Variants in ZNF484 observed in about 807,000 individuals in gnomAD.
ZNF484 encodes KRAB box containing C2H2 type zinc finger bA526D8.4.
A neutral mutation model predicts 12.9 loss-of-function variants in ZNF484; 11 were observed. The observed-to-expected ratio is 0.85, with a 90% CI of 0.54 to 1.41. The LOEUF is 1.41. Among genes scored for constraint, ZNF484 ranks in the 40% most tolerant of loss-of-function variants. The probability of loss-of-function intolerance (pLI) is 0.00; values close to 1 mark genes in which losing one functional copy is unlikely to be tolerated. For missense variants in ZNF484, 807 were observed against 1,007.7 expected (o/e 0.80, Z 2.70); for synonymous variants, 289 against 334.1 (o/e 0.86, Z 1.47).
At chr9:92,860,535 C>T (rs1260067981) in intron 2 of ZNF484, among the ~76,000 whole-genome samples, 1 of 142,836 alleles carries the variant, frequency 7.0e-6, no homozygotes, top group Non-Finnish European at 1.5e-5. Flanking sequence ...ACCCGGGAGG[C>T]GGAGCTTGCA....
intron 4 of ZNF484, among the ~76,000 whole-genome samples, chr9:92,854,066 A>G (rs1405540156): frequency 1.3e-5 from 2 of 152,104 alleles, no homozygotes; most frequent in African/African-American, 4.8e-5. Context: ...CAATGGAGGG[A>G]ACTCATGGGC....
At position 92,846,525 on chromosome 9, in the gene ZNF484, G is replaced by A; in HGVS notation, c.2262C>T (p.Gly754=). The A allele has an allele frequency of 6.2e-7, 1 of 1,613,692 alleles. No homozygotes were observed. The highest frequency in any genetic ancestry group is 8.5e-7 in the Non-Finnish European group (1 of 1,179,912). The change falls in exon 5 of 5, where the codon GGC becomes GGT. Residue 754 remains glycine, a synonymous_variant. Coordinates refer to ENST00000375495, the MANE Select transcript of ZNF484 (RefSeq NM_031486.4). ...GTTGTGATTTCTTAATGAAAGACTT[G>A]CCACAGTCACTGCATTCATAGGGTT... The part of the protein sequence containing the change: ...GEKPYECSDC[G]KSFIKKSQLH...
intron 1 of ZNF484, among the ~76,000 whole-genome samples, chr9:92,875,947 C>A (rs998943755): frequency 6.6e-6 from 1 of 152,108 alleles, no homozygotes; most frequent in Non-Finnish European, 1.5e-5. Context: ...TAAATGATGT[C>A]GGAAATAGCA....
At chr9:92,856,041 A>G (rs1856428644) in intron 3 of ZNF484, 138 bp from the exon 4 acceptor site, 1 of 1,388,538 alleles carries the variant, frequency 7.2e-7, no homozygotes, top group Admixed American at 2.0e-5. Context: ...ATGGGACAAA[A>G]TAAGGACAAA....
intron 2 of ZNF484, among the ~76,000 whole-genome samples, chr9:92,863,356 C>T (rs1856889521): frequency 6.6e-6 from 1 of 151,922 alleles, no homozygotes; most frequent in African/African-American, 2.4e-5. Flanking sequence ...GTGCAGCAAA[C>T]CATCATGACA....
intron 2 of ZNF484, among the ~76,000 whole-genome samples, chr9:92,863,552 C>T (rs1005363008): frequency 2.0e-5 from 3 of 151,982 alleles, no homozygotes; most frequent in African/African-American, 7.3e-5. Flanking sequence ...TATTATTTAA[C>T]AGGAATATAG....
intron 2 of ZNF484, among the ~76,000 whole-genome samples, chr9:92,860,434 C>G (rs867454049): frequency 1.3e-5 from 2 of 151,852 alleles, no homozygotes; most frequent in Non-Finnish European, 2.9e-5. Context: ...AACCCCATCT[C>G]TACTAAAAAA....
chr9:92,870,654 G>A (rs1587767181), intron 2 of ZNF484, among the ~76,000 whole-genome samples: 1 of 152,196 alleles, frequency 6.6e-6, no homozygotes, highest in Admixed American at 6.5e-5. Flanking sequence ...TTCCCATCAC[G>A]ACAGGTGTGG....
intron 4 of ZNF484, among the ~76,000 whole-genome samples, chr9:92,853,643 C>A (rs1038947363): frequency 6.6e-6 from 1 of 152,214 alleles, no homozygotes; most frequent in Non-Finnish European, 1.5e-5. Flanking sequence ...AAAGCCCTTA[C>A]ACCTGCCTCT....
intron 2 of ZNF484, 37 bp from the exon 3 acceptor site, chr9:92,856,355 T>G: frequency 6.7e-7 from 1 of 1,482,016 alleles, no homozygotes; most frequent in Non-Finnish European, 9.0e-7. Flanking sequence ...AAATAATTTT[T>G]TAAAGAATAT....
At chr9:92,870,019 ATAAACT>A (rs1335814152) in intron 2 of ZNF484, among the ~76,000 whole-genome samples, 1 of 152,234 alleles carries the variant, frequency 6.6e-6, no homozygotes, top group African/African-American at 2.4e-5. Flanking sequence ...TTCAAACTCA[ATAAACT>A]GGATTCCACT....
At chr9:92,856,653 TAAAGA>T (rs1319526142) in intron 2 of ZNF484, among the ~76,000 whole-genome samples, 1 of 152,194 alleles carries the variant, frequency 6.6e-6, no homozygotes, top group Non-Finnish European at 1.5e-5. Context: ...ATCTGGATGA[TAAAGA>T]AAATGTCTAA....
intron 2 of ZNF484, among the ~76,000 whole-genome samples, chr9:92,867,235 T>C (rs1857147606): frequency 6.6e-6 from 1 of 152,006 alleles, no homozygotes; most frequent in South Asian, 2.1e-4. Context: ...TCTCATCACT[T>C]TGGGAGGCTG....
chr9:92,875,766 C>T (rs1488701138), intron 1 of ZNF484, among the ~76,000 whole-genome samples: 1 of 152,144 alleles, frequency 6.6e-6, no homozygotes, highest in Non-Finnish European at 1.5e-5. Context: ...ATAAGCTCCT[C>T]CACATACACA....
At chr9:92,876,130 G>T (rs1442967637) in intron 1 of ZNF484, among the ~76,000 whole-genome samples, 1 of 151,954 alleles carries the variant, frequency 6.6e-6, no homozygotes, top group Non-Finnish European at 1.5e-5. Context: ...TCTTGCAAAA[G>T]ATATATAATT....
chr9:92,862,349 T>C (rs976311785), intron 2 of ZNF484, among the ~76,000 whole-genome samples: 1 of 151,922 alleles, frequency 6.6e-6, no homozygotes, highest in Non-Finnish European at 1.5e-5. Context: ...AACAACTTTC[T>C]AAGATATTAT....
chr9:92,873,744 T>C (rs2118263963), intron 2 of ZNF484, among the ~76,000 whole-genome samples: 1 of 152,198 alleles, frequency 6.6e-6, no homozygotes, highest in South Asian at 2.1e-4. Flanking sequence ...ACACAATCTC[T>C]GGCAGAATAA....
intron 1 of ZNF484, 155 bp downstream of exon 1, chr9:92,877,735 T>C: frequency 2.0e-6 from 3 of 1,508,542 alleles, no homozygotes; most frequent in Non-Finnish European, 2.7e-6. Flanking sequence ...GACCCCTCAG[T>C]GCCCCCTCAC....
At chr9:92,856,370 G>C in intron 2 of ZNF484, 52 bp from the exon 3 acceptor site, 1 of 1,380,292 alleles carries the variant, frequency 7.2e-7, no homozygotes, top group Non-Finnish European at 9.5e-7. Context: ...GAATATATTT[G>C]AATTCAAAAA....
Sources: allele counts gnomAD v4.1 joint callset (sites outside exome capture counted in the v4.1 genomes callset), GRCh38; gene constraint gnomAD v4.1.1; transcripts MANE v1.5; gene names NCBI Gene and HGNC (gene_info 2026-07-23, HGNC 2026-07-21).